The following CACNA1D variants were observed in gnomAD, a reference collection of about 807,000 sequenced individuals.
CACNA1D encodes the protein calcium voltage-gated channel subunit alpha1 D.
Under a neutral mutation model 257.1 loss-of-function variants are expected in CACNA1D, and 55 were observed. That is an observed-to-expected ratio of 0.21 (90% CI 0.17 to 0.27). The LOEUF (loss-of-function observed/expected upper bound fraction) is 0.27. CACNA1D is among the 10% of genes least tolerant of loss of function. CACNA1D has a pLI of 1.00. For synonymous variants in CACNA1D, 980 were observed against 1,014.9 expected (o/e 0.97, Z 0.65); for missense variants, 1,876 against 2,784.0 (o/e 0.67, Z 7.34).
intron 7 of CACNA1D, among the ~76,000 whole-genome samples, chr3:53,671,690 G>T (rs28505961): frequency 6.6e-6 from 1 of 152,116 alleles, no homozygotes; most frequent in Non-Finnish European, 1.5e-5. Context: ...TTTCATAAGG[G>T]ATTTAATGCC....
At chr3:53,760,101 T>C (rs2095291973) in intron 29 of CACNA1D, among the ~76,000 whole-genome samples, 1 of 152,054 alleles carries the variant, frequency 6.6e-6, no homozygotes, top group African/African-American at 2.4e-5. Context: ...ACTGTGATCA[T>C]AGGGCGGGGA....
intron 40 of CACNA1D, 28 bp downstream of exon 40, chr3:53,786,980 C>G (rs1189902798): frequency 6.2e-7 from 1 of 1,612,672 alleles, no homozygotes; most frequent in African/African-American, 1.3e-5. Flanking sequence ...TTTGTTTTCT[C>G]TTTTGACTAA....
intron 9 of CACNA1D, among the ~76,000 whole-genome samples, chr3:53,717,026 G>A (rs1295122660): frequency 1.3e-5 from 2 of 152,190 alleles, no homozygotes; most frequent in South Asian, 2.1e-4. Context: ...TCGCCATAGC[G>A]CTTCCAGCCC....
chr3:53,691,337 C>A (rs913106140), intron 8 of CACNA1D, among the ~76,000 whole-genome samples: 2 of 151,876 alleles, frequency 1.3e-5, no homozygotes, highest in East Asian at 3.9e-4. Context: ...ATGGGGTTTC[C>A]CTATGTTGGC....
intron 21 of CACNA1D, among the ~76,000 whole-genome samples, chr3:53,742,070 A>G (rs2095123510): frequency 6.6e-6 from 1 of 152,200 alleles, no homozygotes; most frequent in African/African-American, 2.4e-5. Flanking sequence ...AGAAGTGTCT[A>G]ATATCTGAGA....
In CACNA1D at chr3:53,495,145, G is replaced by C; in HGVS notation, c.-22G>C. 1 of 1,569,702 alleles carries C rather than the reference G, an allele frequency of 6.4e-7. No homozygotes were observed. Among genetic ancestry groups the C allele is most frequent in the Non-Finnish European group, 8.7e-7 (1 of 1,145,372 alleles). ...CCAGCACAGTGCCCTGCACACAGTA[G>C]TCGCTCAATAAATGTTCGTGGATGA... On this transcript the variant is annotated 5_prime_UTR_variant, in exon 1 of 48. Transcript: ENST00000350061. This position sits in a 1 kb window ranked among gnomAD's most constrained non-coding sequence, Gnocchi z 5.1.
At chr3:53,514,387 G>C (rs1006286149) in intron 3 of CACNA1D, among the ~76,000 whole-genome samples, 1 of 151,894 alleles carries the variant, frequency 6.6e-6, no homozygotes, top group Non-Finnish European at 1.5e-5. Flanking sequence ...TTGGGGGCGT[G>C]GGGGGTGGGG....
chr3:53,747,336 G>A lies in CACNA1D; in HGVS notation c.3202G>A (p.Asp1068Asn). 1 of 1,614,066 alleles carries A rather than the reference G, an allele frequency of 6.2e-7. No homozygotes were observed. ...LFILYKDGDVDSPVVRERIWQ... is the reference protein window; with the variant it reads ...LFILYKDGDVNSPVVRERIWQ... ...CATCCTCTACAAGGATGGGGATGTT[G>A]ACAGTCCTGTGGTCCGTGAACGGAT... is the stretch of plus-strand genomic sequence containing the variant. The change falls in exon 26 of 48, where the codon GAC becomes AAC. Residue 1068 changes from aspartate (D) to asparagine (N), a missense_variant. Asp to Asn is a conservative substitution (Grantham distance 23). Around this residue, in one of 10 missense-constraint regions of CACNA1D, gnomAD observed 271 missense variants for 425.5 expected, o/e 0.64. Transcript: ENST00000350061.
At chr3:53,665,849 A>AT (rs763407126) in intron 6 of CACNA1D, 37 bp downstream of exon 6, 1 of 1,584,342 alleles carries the variant, frequency 6.3e-7, no homozygotes, top group Non-Finnish European at 8.6e-7. Context: ...TAACTTTAAA[A>AT]TTTTTTTGTT....
At chr3:53,585,451 C>T (rs1487745676) in intron 3 of CACNA1D, among the ~76,000 whole-genome samples, 2 of 152,166 alleles carry the variant, frequency 1.3e-5, no homozygotes, top group African/African-American at 2.4e-5. Flanking sequence ...AAATAACCAC[C>T]AACAAAAAAC....
intron 3 of CACNA1D, among the ~76,000 whole-genome samples, chr3:53,631,209 C>G (rs1365598489): frequency 6.6e-6 from 1 of 152,208 alleles, no homozygotes; most frequent in Non-Finnish European, 1.5e-5. Context: ...CACAGTAGAA[C>G]TTCTCTCAAA....
chr3:53,718,601 C>CCCCCCCCAA (rs2108684193), intron 10 of CACNA1D: 9 of 1,103,168 alleles, frequency 8.2e-6, no homozygotes, highest in Non-Finnish European at 1.1e-5. Flanking sequence ...CCCCCCGGCC[C>CCCCCCCCAA]AGCATTTCAC....
chr3:53,571,801 A>G (rs2092949803), intron 3 of CACNA1D, among the ~76,000 whole-genome samples: 1 of 152,174 alleles, frequency 6.6e-6, no homozygotes, highest in South Asian at 2.1e-4. Context: ...AGTTACAAAA[A>G]AGCGTGTCCT....
In CACNA1D at chr3:53,810,096, A is replaced by G. The variant is rs879161514; in HGVS notation, c.5990A>G (p.Tyr1997Cys). The G allele has an allele frequency of 1.1e-5, 18 of 1,613,766 alleles. No individual in the cohort carries two copies. The highest frequency in any genetic ancestry group is 9.9e-5 in the South Asian group (9 of 91,084). The change falls in exon 47 of 48, where the codon TAC (tyrosine) becomes TGC (cysteine). Residue 1997 changes from tyrosine to cysteine, a missense_variant. Physicochemically the swap from Tyr to Cys is radical, Grantham distance 194. Transcript: ENST00000350061. ...TPPYRDWTPC[Y>C]TPLIQVEQSE... ...CCCTACCGGGACTGGACACCGTGCT[A>G]CACCCCCCTGATCCAAGTGGAGCAG...
intron 9 of CACNA1D, among the ~76,000 whole-genome samples, chr3:53,703,017 T>C (rs536259849): frequency 1.3e-5 from 2 of 152,054 alleles, no homozygotes; most frequent in Non-Finnish European, 2.9e-5. Context: ...GGGTTTAGAG[T>C]TGTATTTGGT....
At chr3:53,777,049 T>C in intron 37 of CACNA1D, 93 bp downstream of exon 37, 1 of 923,670 alleles carries the variant, frequency 1.1e-6, no homozygotes, top group Non-Finnish European at 1.8e-6. Flanking sequence ...AGGCCTTCTG[T>C]CAGTTGCTAG....
At chr3:53,593,687 C>T in intron 3 of CACNA1D, among the ~76,000 whole-genome samples, 1 of 152,144 alleles carries the variant, frequency 6.6e-6, no homozygotes. Flanking sequence ...GGTATTCTTC[C>T]CCCTCAAAGT....
intron 4 of CACNA1D, among the ~76,000 whole-genome samples, chr3:53,658,093 C>T (rs1321182126): frequency 6.6e-6 from 1 of 152,158 alleles, no homozygotes; most frequent in East Asian, 1.9e-4. Flanking sequence ...TTAGACAGCT[C>T]CTTGTCTTTT....
Position 53,718,383 on chromosome 3 carries a change from T to C in CACNA1D, c.1473T>C (p.Ser491=). The change falls in exon 10 of 48, where the codon AGT becomes AGC. Residue 491 remains serine, a synonymous_variant. Transcript: ENST00000350061. ...GCGAGAACCGAGGCTGCTGTGGAAG[T>C]CTCTGGTGAGTGTGGGGAGCACTTG... The part of the protein sequence containing the change: ...GEGENRGCCG[S]LCQAISKSKL... The C allele has an allele frequency of 6.2e-7, 1 of 1,613,658 alleles. No individual in the cohort carries two copies. Among genetic ancestry groups the C allele is most frequent in the South Asian group, 1.1e-5 (1 of 91,068 alleles).
Sources: allele counts gnomAD v4.1 joint callset (sites outside exome capture counted in the v4.1 genomes callset), GRCh38; gene constraint gnomAD v4.1.1; regional missense constraint gnomAD v4.1.1; non-coding constraint Gnocchi (gnomAD v3.1); transcripts MANE v1.5; gene names NCBI Gene and HGNC (gene_info 2026-07-23, HGNC 2026-07-21).